Variants in ZCWPW2 observed in about 807,000 individuals in gnomAD.
ZCWPW2 encodes the protein zinc finger CW-type PWWP domain protein 2.
Under a neutral mutation model 46.6 loss-of-function variants are expected in ZCWPW2, and 45 were observed. That is an observed-to-expected ratio of 0.96 (90% CI 0.76 to 1.24). The LOEUF is 1.24. ZCWPW2 is among the 50% of genes most tolerant of loss of function. The probability of loss-of-function intolerance (pLI) is 0.00; values close to 1 mark genes in which losing one functional copy is unlikely to be tolerated. For missense variants in ZCWPW2, 429 were observed against 403.9 expected (o/e 1.06, Z -0.53); for synonymous variants, 152 against 137.1 (o/e 1.11, Z -0.76).
intron 4 of ZCWPW2, 48 bp from the exon 5 acceptor site, chr3:28,478,766 G>A (rs201818334): frequency 9.9e-7 from 1 of 1,013,286 alleles, no homozygotes; most frequent in Non-Finnish European, 1.4e-6. Context: ...TTAAAACAAA[G>A]TTATATATTT....
intron 6 of ZCWPW2, among the ~76,000 whole-genome samples, chr3:28,497,325 C>T (rs1175952206): frequency 9.3e-5 from 14 of 151,194 alleles, no homozygotes. Flanking sequence ...ATATGTTACT[C>T]TATAGATTTA....
chr3:28,424,282 C>T (rs1696916445), intron 3 of ZCWPW2, among the ~76,000 whole-genome samples: 1 of 149,286 alleles, frequency 6.7e-6, no homozygotes, highest in African/African-American at 2.5e-5. Flanking sequence ...GCCTTTAAAT[C>T]AATACCTAGA....
chr3:28,470,413 G>C (rs181578583), intron 4 of ZCWPW2, among the ~76,000 whole-genome samples: 6 of 150,134 alleles, frequency 4.0e-5, no homozygotes, highest in African/African-American at 1.2e-4. Flanking sequence ...AGAATTGCTT[G>C]AACCACTGAG....
chr3:28,515,699 GA>G (rs927756270), intron 8 of ZCWPW2, 78 bp downstream of exon 8: 300 of 1,209,234 alleles, frequency 2.5e-4, no homozygotes, highest in Middle Eastern at 6.4e-4. Flanking sequence ...TCCTTTGAAG[GA>G]AAAAAAAAGA....
chr3:28,357,524 A>G (rs1704782437), intron 1 of ZCWPW2, among the ~76,000 whole-genome samples: 1 of 152,084 alleles, frequency 6.6e-6, no homozygotes, highest in African/African-American at 2.4e-5. Flanking sequence ...GGGCAGCATC[A>G]TCCAATCCAC....
intron 2 of ZCWPW2, among the ~76,000 whole-genome samples, chr3:28,410,937 A>G: frequency 6.6e-6 from 1 of 152,002 alleles, no homozygotes; most frequent in East Asian, 1.9e-4. Flanking sequence ...TGTAGTAGAT[A>G]TACTAAAATT....
Position 28,520,996 on chromosome 3 carries a change from CTG to C in ZCWPW2, c.792_793del (p.Cys264Ter). 6.2e-7 allele frequency: 1 copy of C among 1,612,972 alleles called. No homozygotes were observed. The highest frequency in any genetic ancestry group is 8.5e-7 in the Non-Finnish European group (1 of 1,179,544). ...DALSKENRVV[C>X]ETEVLLKELE... ...GTATTAATCCTGTTTTTTTAGTTGTCTGTGAGACGGAAGTTTTACTAAAAGAG... is the reference window on the plus strand; with the variant it reads ...GTATTAATCCTGTTTTTTTAGTTGTCTGAGACGGAAGTTTTACTAAAAGAG... On this transcript the variant is annotated frameshift_variant, in exon 9 of 10. Coordinates refer to ENST00000383768, the MANE Select transcript of ZCWPW2 (RefSeq NM_001040432.4). LOFTEE classifies it high-confidence loss of function.
At position 28,382,400 on chromosome 3, in the gene ZCWPW2, G is replaced by C. The variant is rs373289775; in HGVS notation, c.-133-8098G>C. Among the ~76,000 whole-genome samples, 33 of 152,150 alleles carry C rather than the reference G, an allele frequency of 2.2e-4. 2 individuals carry two copies. The highest frequency in any genetic ancestry group is 1.2e-3 in the South Asian group (6 of 4,828). ...ATTTCCTCTTCTTCCAAGGACACTA[G>C]ACATATTGGATTAAGGCTCACCCTA... On this transcript the variant is annotated intron_variant, in intron 1 of 9. Transcript: ENST00000383768.
chr3:28,358,597 T>G (rs144026739), intron 1 of ZCWPW2, among the ~76,000 whole-genome samples: 11 of 152,300 alleles, frequency 7.2e-5, no homozygotes, highest in Admixed American at 7.2e-4. Context: ...GGAATTTTAC[T>G]AGAATACATT....
chr3:28,400,326 C>G (rs937052311), intron 2 of ZCWPW2, among the ~76,000 whole-genome samples: 1 of 152,032 alleles, frequency 6.6e-6, no homozygotes, highest in Non-Finnish European at 1.5e-5. Context: ...ATTGGTGTTC[C>G]TAAGGAAGAA....
chr3:28,368,098 C>A (rs1330761763), intron 1 of ZCWPW2, among the ~76,000 whole-genome samples: 2 of 152,046 alleles, frequency 1.3e-5, no homozygotes, highest in African/African-American at 4.8e-5. Context: ...CGTCTTTATC[C>A]AATTTGCCAG....
intron 4 of ZCWPW2, among the ~76,000 whole-genome samples, chr3:28,436,888 G>C (rs1004931981): frequency 1.3e-5 from 2 of 152,200 alleles, no homozygotes; most frequent in Non-Finnish European, 2.9e-5. Flanking sequence ...TGCTCATGAA[G>C]CTGACCTTAG....
intron 1 of ZCWPW2, among the ~76,000 whole-genome samples, chr3:28,359,032 A>C (rs1704843056): frequency 6.6e-6 from 1 of 152,110 alleles, no homozygotes; most frequent in African/African-American, 2.4e-5. Context: ...GTACATTGAG[A>C]AAGTCATTGA....
rs1487463097 is a variant in ZCWPW2, at chr3:28,515,622, G to C, written c.784+1G>C. The C allele has an allele frequency of 1.2e-6, 2 of 1,601,844 alleles. No individual in the cohort carries two copies. The highest frequency in any genetic ancestry group is 8.5e-7 in the Non-Finnish European group (1 of 1,178,442). On this transcript the variant is annotated splice_donor_variant, in intron 8 of 9. Transcript: ENST00000383768. LOFTEE classifies it high-confidence loss of function. Reference sequence around the variant, plus strand: ...GATGCCTTATCAAAGGAGAACAGGGGTATGTGAAAGCCTGTCCTGCTTTTA... The same window carrying C: ...GATGCCTTATCAAAGGAGAACAGGGCTATGTGAAAGCCTGTCCTGCTTTTA...
rs551215100 is a variant in ZCWPW2, at chr3:28,464,328, TA to T, written c.493-14482del. On this transcript the variant is annotated intron_variant, in intron 4 of 9. Transcript: ENST00000383768. ...ACATGGGAAGAGCCAGGGGTCAGTT[TA>T]AAAGGGTCTTCACCCAAAAGGGCTT... 1.2e-3 allele frequency among the ~76,000 whole-genome samples: 175 copies of T among 152,108 alleles called. 1 individual carries two copies. The highest frequency in any genetic ancestry group is 3.9e-3 in the African/African-American group (163 of 41,488).
chr3:28,417,628 C>G (rs1367824216), intron 3 of ZCWPW2, among the ~76,000 whole-genome samples: 5 of 141,436 alleles, frequency 3.5e-5, no homozygotes, highest in African/African-American at 5.4e-5. Flanking sequence ...AAAATACTGG[C>G]AAACCGAATC....
chr3:28,413,234 G>A lies in ZCWPW2; in HGVS notation c.166G>A (p.Glu56Lys). The part of the protein sequence containing the change: ...SEDSAKVDHD[E>K]PWYCFMNTDS... ...GGATTCAGCCAAGGTTGATCATGAT[G>A]AACCATGGTACTGCTTCATGAACAC... is the stretch of plus-strand genomic sequence containing the variant. The change falls in exon 3 of 10, where the codon GAA (glutamate) becomes AAA (lysine). Residue 56 changes from glutamate (E) to lysine (K), a missense_variant. Coordinates refer to ENST00000383768, the MANE Select transcript of ZCWPW2 (RefSeq NM_001040432.4). The A allele has an allele frequency of 1.2e-6, 2 of 1,613,314 alleles. No homozygotes were observed. Among genetic ancestry groups the A allele is most frequent in the South Asian group, 2.2e-5 (2 of 91,048 alleles).
intron 4 of ZCWPW2, among the ~76,000 whole-genome samples, chr3:28,475,294 C>A (rs765223560): frequency 6.6e-6 from 1 of 152,120 alleles, no homozygotes; most frequent in Non-Finnish European, 1.5e-5. Flanking sequence ...TCAGGACGTG[C>A]TTTTTGCTCT....
chr3:28,492,660 A>G (rs560964598), intron 6 of ZCWPW2, among the ~76,000 whole-genome samples: 2 of 152,218 alleles, frequency 1.3e-5, no homozygotes, highest in Non-Finnish European at 2.9e-5. Flanking sequence ...AATTATTACA[A>G]TTTAATACAT....
Sources: allele counts gnomAD v4.1 joint callset (sites outside exome capture counted in the v4.1 genomes callset), GRCh38; gene constraint gnomAD v4.1.1; transcripts MANE v1.5; gene names NCBI Gene and HGNC (gene_info 2026-07-23, HGNC 2026-07-21).